TMEM178B: variants seen among roughly 807,000 people sequenced by gnomAD.
TMEM178B encodes transmembrane protein 178B.
Under a neutral mutation model 31.0 loss-of-function variants are expected in TMEM178B, and 5 were observed. That is an observed-to-expected ratio of 0.16 (90% CI 0.08 to 0.34). The LOEUF is 0.34. TMEM178B is among the 10% of genes least tolerant of loss of function. The probability of loss-of-function intolerance (pLI) is 1.00; values close to 1 mark genes in which losing one functional copy is unlikely to be tolerated. For synonymous variants in TMEM178B, 164 were observed against 164.0 expected (o/e 1.00, Z 0.00); for missense variants, 275 against 400.3 (o/e 0.69, Z 2.67).
At chr7:141,320,664 C>T (rs1799082354) in intron 2 of TMEM178B, among the ~76,000 whole-genome samples, 1 of 152,218 alleles carries the variant, frequency 6.6e-6, no homozygotes, top group African/African-American at 2.4e-5. Context: ...TATTCATTCA[C>T]TCAGCACATT....
intron 2 of TMEM178B, among the ~76,000 whole-genome samples, chr7:141,429,069 G>A (rs879551671): frequency 1.2e-4 from 18 of 151,838 alleles, no homozygotes; most frequent in East Asian, 1.9e-4. Flanking sequence ...ACTCTTGGTG[G>A]GAATGAAATT....
chr7:141,393,526 G>A (rs1473455186), intron 2 of TMEM178B, among the ~76,000 whole-genome samples: 1 of 152,176 alleles, frequency 6.6e-6, no homozygotes, highest in Non-Finnish European at 1.5e-5. Flanking sequence ...AGCAGGGGAA[G>A]ATTTCTATCT....
At chr7:141,499,923 A>G in the TMEM178B span, among the ~76,000 whole-genome samples, 2 of 152,228 alleles carry the variant, frequency 1.3e-5, no homozygotes, top group African/African-American at 2.4e-5. Flanking sequence ...TATCTTTAAA[A>G]ATAATCCAGT....
chr7:141,404,188 C>T (rs982506503), intron 2 of TMEM178B, among the ~76,000 whole-genome samples: 1 of 152,102 alleles, frequency 6.6e-6, no homozygotes, highest in African/African-American at 2.4e-5. Context: ...ACCTGTAGTC[C>T]CAGCTACTCA....
chr7:141,413,064 TC>T (rs1282383889), intron 2 of TMEM178B, among the ~76,000 whole-genome samples: 1 of 152,204 alleles, frequency 6.6e-6, no homozygotes, highest in Non-Finnish European at 1.5e-5. Context: ...GTCATTTTGA[TC>T]TTCCATGTTA....
chr7:141,240,072 T>C (rs1361406953), intron 2 of TMEM178B, among the ~76,000 whole-genome samples: 1 of 152,260 alleles, frequency 6.6e-6, no homozygotes, highest in African/African-American at 2.4e-5. Flanking sequence ...AATTATTTTG[T>C]ACTAGGTCTT....
At chr7:141,502,768 C>CAAA in the TMEM178B span, among the ~76,000 whole-genome samples, 81 of 57,588 alleles carry the variant, frequency 1.4e-3, no homozygotes, top group Middle Eastern at 0.013. Flanking sequence ...GAAACTCAGT[C>CAAA]TAAAAAAAAA....
intron 2 of TMEM178B, among the ~76,000 whole-genome samples, chr7:141,295,479 A>G (rs747018521): frequency 8.5e-5 from 13 of 152,150 alleles, no homozygotes; most frequent in Non-Finnish European, 1.8e-4. Context: ...TATACTCCCA[A>G]GAGGATTCCT....
At chr7:141,273,184 G>A (rs1304450753) in intron 2 of TMEM178B, among the ~76,000 whole-genome samples, 1 of 152,164 alleles carries the variant, frequency 6.6e-6, no homozygotes, top group Non-Finnish European at 1.5e-5. Context: ...TCAAACTCGT[G>A]GAAGCAGAGT....
intron 2 of TMEM178B, among the ~76,000 whole-genome samples, chr7:141,242,132 A>G (rs1255504933): frequency 6.6e-6 from 1 of 152,082 alleles, no homozygotes; most frequent in Non-Finnish European, 1.5e-5. Flanking sequence ...TGCTCCTATT[A>G]ATAGAACTGG....
intron 3 of TMEM178B, among the ~76,000 whole-genome samples, chr7:141,454,018 A>G (rs939863510): frequency 7.2e-5 from 11 of 152,006 alleles, no homozygotes; most frequent in African/African-American, 2.7e-4. Context: ...AGGGAATGTC[A>G]AGAGCTGTGT....
intron 2 of TMEM178B, among the ~76,000 whole-genome samples, chr7:141,397,514 T>TGGAACAC (rs1322604181): frequency 6.6e-6 from 1 of 152,122 alleles, no homozygotes; most frequent in Non-Finnish European, 1.5e-5. Context: ...ACTTGGAACT[T>TGGAACAC]GGAACACATT....
At chr7:141,383,057 G>A (rs908492696) in intron 2 of TMEM178B, among the ~76,000 whole-genome samples, 3 of 152,166 alleles carry the variant, frequency 2.0e-5, no homozygotes, top group African/African-American at 7.2e-5. Context: ...TTTGGGCCAG[G>A]GTAGGAGGCT....
At chr7:141,197,697 A>G (rs1796806430) in intron 1 of TMEM178B, among the ~76,000 whole-genome samples, 1 of 152,020 alleles carries the variant, frequency 6.6e-6, no homozygotes, top group Admixed American at 6.5e-5. Context: ...CAGTGGTGCG[A>G]TCTTGGCTCA....
At chr7:141,152,065 A>T (rs1269751489) in intron 1 of TMEM178B, among the ~76,000 whole-genome samples, 1 of 152,174 alleles carries the variant, frequency 6.6e-6, no homozygotes, top group African/African-American at 2.4e-5. Context: ...GAGTTGCCCT[A>T]TGCTGAGAGG....
Position 141,415,706 on chromosome 7 carries a change from G to A in TMEM178B, c.497-21902G>A, listed in dbSNP as rs569468962. Among the ~76,000 whole-genome samples, 24 of 152,368 alleles carry A rather than the reference G, an allele frequency of 1.6e-4. No individual in the cohort carries two copies. In the South Asian group the frequency reaches 3.5e-3, roughly 22 times the overall value. ...CTGAGATTTGGGGGACAGACAGATTGCGAGGATGGTGATGCCATTGTCATC... is the reference window on the plus strand; with the variant it reads ...CTGAGATTTGGGGGACAGACAGATTACGAGGATGGTGATGCCATTGTCATC... On this transcript the variant is annotated intron_variant, in intron 2 of 3. Transcript: ENST00000565468.
chr7:141,365,717 G>T (rs144274870), intron 2 of TMEM178B, among the ~76,000 whole-genome samples: 1 of 152,318 alleles, frequency 6.6e-6, no homozygotes, highest in Admixed American at 6.5e-5. Context: ...CTGTCTGCAG[G>T]TGTCTGTCTG....
chr7:141,229,617 G>T (rs1797408713), intron 2 of TMEM178B, among the ~76,000 whole-genome samples: 1 of 152,088 alleles, frequency 6.6e-6, no homozygotes, highest in African/African-American at 2.4e-5. Context: ...CACTTGAAAT[G>T]CTATAATCAA....
intron 2 of TMEM178B, among the ~76,000 whole-genome samples, chr7:141,289,061 A>C (rs1453661377): frequency 2.0e-5 from 3 of 152,208 alleles, no homozygotes; most frequent in Non-Finnish European, 1.5e-5. Flanking sequence ...CCTATGGACT[A>C]TTCCCTGCTT....
Sources: allele counts gnomAD v4.1 joint callset (sites outside exome capture counted in the v4.1 genomes callset), GRCh38; gene constraint gnomAD v4.1.1; transcripts MANE v1.5; gene names NCBI Gene and HGNC (gene_info 2026-07-23, HGNC 2026-07-21).